The following D2HGDH variants were observed in gnomAD, a reference collection of about 807,000 sequenced individuals.
The protein encoded by D2HGDH is D-2-hydroxyglutarate dehydrogenase, mitochondrial.
A neutral mutation model predicts 46.9 loss-of-function variants in D2HGDH; 31 were observed. The observed-to-expected ratio is 0.66, with a 90% confidence interval of 0.50 to 0.89. The LOEUF (loss-of-function observed/expected upper bound fraction) is 0.89, where lower values mean the gene tolerates loss of function less well. Among genes scored for constraint, D2HGDH ranks in the 40% least tolerant of loss-of-function variants. D2HGDH has a pLI of 0.00. For synonymous variants in D2HGDH, 364 were observed against 332.6 expected, an observed-to-expected ratio of 1.09 and a Z score of -1.03; for missense variants, 698 against 720.8, an observed-to-expected ratio of 0.97 and a Z score of 0.36.
rs887884162 is a variant in D2HGDH, at chr2:241,748,991, C to T, written c.854-1160C>T. The T allele has an allele frequency of 6.5e-6, 8 of 1,233,582 alleles. No homozygotes were observed. The Admixed American group carries it at 2.1e-4, about 33-fold the overall frequency. The allele number at this position is 1,233,582 out of a possible 1,614,324, so 76.4% of individuals were successfully genotyped here. A position where few individuals can be genotyped will look rare whatever the true frequency, so the allele number is the denominator to read the frequency against. ...TCTTCGTGCCACGCCCACGTCTAAGCCGGGTGGAACAGGCCCTGTGAGGAT... is the reference window on the plus strand; with the variant it reads ...TCTTCGTGCCACGCCCACGTCTAAGTCGGGTGGAACAGGCCCTGTGAGGAT... On this transcript the variant is annotated intron_variant, in intron 6 of 9. Transcript: ENST00000321264.
intron 2 of D2HGDH, among the ~76,000 whole-genome samples, chr2:241,739,174 A>G (rs1389680199): frequency 6.6e-6 from 1 of 152,026 alleles, no homozygotes; most frequent in Non-Finnish European, 1.5e-5. Context: ...CCTCCTTTTC[A>G]TCTTTCCCGT....
In D2HGDH at chr2:241,756,987, A is replaced by G. The variant is rs1698251975; in HGVS notation, c.1306+973A>G. Among the ~76,000 whole-genome samples, 3 of 152,278 alleles carry G rather than the reference A, an allele frequency of 2.0e-5. No homozygotes were observed. The South Asian group carries it at 6.2e-4, about 32-fold the overall frequency. On this transcript the variant is annotated intron_variant, in intron 9 of 9. Coordinates refer to ENST00000321264, the MANE Select transcript of D2HGDH (RefSeq NM_152783.5). ...GGTGGCACTGGAGTCACTGACCTGA[A>G]GCCTCCATCCATCTGCCAGTAAATG...
At chr2:241,736,703 C>CT (rs966255895) in intron 2 of D2HGDH, among the ~76,000 whole-genome samples, 2 of 149,352 alleles carry the variant, frequency 1.3e-5, no homozygotes, top group African/African-American at 4.9e-5. Flanking sequence ...AAGTCTCACT[C>CT]TTTTTGCCCA....
intron 2 of D2HGDH, among the ~76,000 whole-genome samples, chr2:241,737,465 C>T (rs1188861787): frequency 6.6e-6 from 1 of 151,824 alleles, no homozygotes. Flanking sequence ...GCTGGCACTT[C>T]CTTTTGGTAA....
intron 8 of D2HGDH, chr2:241,754,911 C>G (rs1697915978): frequency 3.2e-6 from 3 of 946,026 alleles, no homozygotes; most frequent in South Asian, 3.4e-5. Flanking sequence ...CCAAGTGTTT[C>G]TCTTAGAATT....
At chr2:241,758,769 A>ATATGTGTGTGTGTGTG (rs1315576359) in intron 9 of D2HGDH, among the ~76,000 whole-genome samples, 1 of 131,896 alleles carries the variant, frequency 7.6e-6, no homozygotes, top group African/African-American at 2.9e-5. Flanking sequence ...CCCACAATAT[A>ATATGTGTGTGTGTGTG]TGTGTGTGTG....
At position 241,755,791 on chromosome 2, in the gene D2HGDH, C is replaced by G. The variant is rs1356137403; in HGVS notation, c.1141-58C>G. The G allele has an allele frequency of 4.3e-6, 7 of 1,611,206 alleles. No homozygotes were observed. In the African/African-American group the frequency reaches 5.4e-5, roughly 12 times the overall value. On this transcript the variant is annotated intron_variant, in intron 8 of 9. Coordinates refer to ENST00000321264, the MANE Select transcript of D2HGDH (RefSeq NM_152783.5). Reference sequence around the variant, plus strand: ...GCCCTAACCCCGTGTGGTGTGCCCCCTGTCCCCGGGTGTCGTTCCCATAGC... The same window carrying G: ...GCCCTAACCCCGTGTGGTGTGCCCCGTGTCCCCGGGTGTCGTTCCCATAGC...
At position 241,742,595 on chromosome 2, in the gene D2HGDH, G is replaced by C; in HGVS notation, c.490+21G>C. 6.2e-7 allele frequency: 1 copy of C among 1,613,956 alleles called. No homozygotes were observed. Among genetic ancestry groups the C allele is most frequent in the Non-Finnish European group, 8.5e-7 (1 of 1,179,922 alleles). On this transcript the variant is annotated intron_variant, in intron 4 of 9. Transcript: ENST00000321264. The surrounding 1 kb of genome is among the most constrained non-coding windows in gnomAD (Gnocchi z 4.8). ...GTCTGGTAAGCCTGTGCCACCCGTC[G>C]GGGCCCAGGAGTCCCTCCTGGTGCT...
intron 7 of D2HGDH, 104 bp downstream of exon 7, chr2:241,750,398 CGGGCGGGTGGGGGGTCCCT>C (rs1696960257): frequency 1.9e-4 from 32 of 172,080 alleles, no homozygotes; most frequent in South Asian, 1.4e-3. Context: ...GGTGCCCGGG[CGGGCGGGTGGGGGGTCCCT>C]GGGCGGAGCA....
At chr2:241,764,018 C>G (rs904931757) in intron 9 of D2HGDH, among the ~76,000 whole-genome samples, 1 of 152,232 alleles carries the variant, frequency 6.6e-6, no homozygotes, top group Non-Finnish European at 1.5e-5. Flanking sequence ...TGCCCTCCGG[C>G]CTGGGTGACA....
In D2HGDH at chr2:241,743,614, C is replaced by G. The variant is rs1343392224; in HGVS notation, c.491-8C>G. 1.9e-6 allele frequency: 3 copies of G among 1,611,996 alleles called. No homozygotes were observed. Among genetic ancestry groups the G allele is most frequent in the East Asian group, 2.2e-5 (1 of 44,868 alleles). ...CAAGTGCTGCGGCAGCCTGGTCACT[C>G]TCTGCAGGAATTCTGGTTTGCCAGG... On this transcript the variant is annotated splice_polypyrimidine_tract_variant and splice_region_variant and intron_variant, in intron 4 of 9. Transcript: ENST00000321264. The surrounding 1 kb of genome is among the most constrained non-coding windows in gnomAD (Gnocchi z 4.8).
chr2:241,745,898 T>C (rs1695737491), intron 6 of D2HGDH, among the ~76,000 whole-genome samples: 1 of 152,238 alleles, frequency 6.6e-6, no homozygotes, highest in South Asian at 2.1e-4. Context: ...TCCTCTGGCC[T>C]CCTCGCTGTT....
intron 6 of D2HGDH, among the ~76,000 whole-genome samples, chr2:241,747,134 G>T (rs1184667715): frequency 6.6e-6 from 1 of 152,062 alleles, no homozygotes; most frequent in Non-Finnish European, 1.5e-5. Flanking sequence ...TAGAAACAGG[G>T]TCTCATGTAA....
At chr2:241,749,379 C>G in intron 6 of D2HGDH, 1 of 1,276,868 alleles carries the variant, frequency 7.8e-7, no homozygotes, top group Non-Finnish European at 1.0e-6. Flanking sequence ...TTTGCATTGC[C>G]TCCCTGTCTC....
intron 6 of D2HGDH, among the ~76,000 whole-genome samples, chr2:241,748,422 C>A (rs1034458474): frequency 2.0e-5 from 3 of 152,162 alleles, no homozygotes; most frequent in Non-Finnish European, 4.4e-5. Flanking sequence ...TGCCCGGCCT[C>A]TTCAGCGGTT....
intron 6 of D2HGDH, among the ~76,000 whole-genome samples, chr2:241,747,113 A>T (rs1040177743): frequency 6.6e-6 from 1 of 151,994 alleles, no homozygotes. Context: ...AATTAAAAAA[A>T]ATTTTGTATG....
chr2:241,757,338 T>C (rs1698284620), intron 9 of D2HGDH, among the ~76,000 whole-genome samples: 1 of 151,596 alleles, frequency 6.6e-6, no homozygotes, highest in Non-Finnish European at 1.5e-5. Flanking sequence ...GGTAAGGGCA[T>C]GATGAGTGTG....
In D2HGDH at chr2:241,767,999, TG is replaced by T; in HGVS notation, c.*35del. The T allele has an allele frequency of 1.3e-6, 2 of 1,562,266 alleles. No individual in the cohort carries two copies. Among genetic ancestry groups the T allele is most frequent in the South Asian group, 1.2e-5 (1 of 86,460 alleles). On this transcript the variant is annotated 3_prime_UTR_variant, in exon 10 of 10. Transcript: ENST00000321264. ...CACTCCTGCTGCTGCCAAGGCCCAC[TG>T]GGGGTCGGCGGGTGGCTCTCGGGCG... is the stretch of plus-strand genomic sequence containing the variant.
intron 2 of D2HGDH, among the ~76,000 whole-genome samples, chr2:241,738,569 T>C (rs1256488670): frequency 6.6e-6 from 1 of 151,996 alleles, no homozygotes; most frequent in East Asian, 1.9e-4. Context: ...GAGGAAGCTG[T>C]AACTGAGATT....
Sources: gnomAD v4.1 joint callset for allele counts (sites outside exome capture counted in the v4.1 genomes callset) on GRCh38, gnomAD v4.1.1 for gene constraint, Gnocchi (gnomAD v3.1) non-coding constraint, MANE v1.5 for transcripts, NCBI Gene and HGNC (gene_info 2026-07-23, HGNC 2026-07-21) for gene names.